ERC2: variants seen among roughly 807,000 people sequenced by gnomAD.
ERC2 encodes ELKS/RAB6-interacting/CAST family member 2, also known as ERC protein 2.
Under a neutral mutation model 114.8 loss-of-function variants are expected in ERC2, and 42 were observed. That is an observed-to-expected ratio of 0.37 (90% CI 0.29 to 0.47). The LOEUF (loss-of-function observed/expected upper bound fraction) is 0.47. ERC2 is among the 20% of genes least tolerant of loss of function. ERC2 has a pLI of 0.99. For missense variants in ERC2, 939 were observed against 1,150.7 expected (o/e 0.82, Z 2.66); for synonymous variants, 454 against 425.5 (o/e 1.07, Z -0.82).
At chr3:56,222,539 G>C (rs1296877809) in intron 3 of ERC2, among the ~76,000 whole-genome samples, 1 of 152,026 alleles carries the variant, frequency 6.6e-6, no homozygotes, top group Admixed American at 6.5e-5. Flanking sequence ...ATAAGCTTGG[G>C]TGCTCTTGCG....
At chr3:56,459,988 A>G (rs2063237823) in intron 1 of ERC2, among the ~76,000 whole-genome samples, 1 of 152,198 alleles carries the variant, frequency 6.6e-6, no homozygotes, top group South Asian at 2.1e-4. Context: ...AATGCCCAAG[A>G]GGTTAAGAGC....
At chr3:55,791,127 T>C (rs182041663) in intron 14 of ERC2, among the ~76,000 whole-genome samples, 74 of 152,346 alleles carry the variant, frequency 4.9e-4, no homozygotes, top group Admixed American at 1.1e-3. Flanking sequence ...TGACTAAATA[T>C]GGGGAAAGAG....
At chr3:55,572,887 A>C (rs1265922954) in intron 17 of ERC2, among the ~76,000 whole-genome samples, 4 of 152,336 alleles carry the variant, frequency 2.6e-5, no homozygotes, top group African/African-American at 9.6e-5. Context: ...ACTTTAATTC[A>C]GCAATCAACA....
intron 7 of ERC2, among the ~76,000 whole-genome samples, chr3:56,062,910 A>G (rs1519028): frequency 0.94 from 143,131 of 152,216 alleles, 67,519 homozygotes; most frequent in East Asian, 1. Context: ...TTTCAGTGCC[A>G]ACATCCTACC....
chr3:55,624,885 A>C (rs1314613627), intron 17 of ERC2, among the ~76,000 whole-genome samples: 1 of 152,180 alleles, frequency 6.6e-6, no homozygotes, highest in Non-Finnish European at 1.5e-5. Context: ...GCTGGTCCCT[A>C]GTTCCCTCTT....
Position 55,845,175 on chromosome 3 carries a change from T to C in ERC2, c.2564+43214A>G, listed in dbSNP as rs1279124201. Among the ~76,000 whole-genome samples, 3 of 152,058 alleles carry C rather than the reference T, an allele frequency of 2.0e-5. No homozygotes were observed. The East Asian group carries it at 5.8e-4, about 29-fold the overall frequency. ...CTAACAGGACATGGATCAGTATTGATCCAGCCCAGGGCTTGGGGACTCCTG... is the reference window on the plus strand; with the variant it reads ...CTAACAGGACATGGATCAGTATTGACCCAGCCCAGGGCTTGGGGACTCCTG... On this transcript the variant is annotated intron_variant, in intron 14 of 17. Coordinates refer to ENST00000288221, the MANE Select transcript of ERC2 (RefSeq NM_015576.3).
At chr3:56,017,925 T>C (rs1309084958) in intron 8 of ERC2, among the ~76,000 whole-genome samples, 2 of 152,168 alleles carry the variant, frequency 1.3e-5, no homozygotes, top group African/African-American at 4.8e-5. Flanking sequence ...ATGCAGGTTA[T>C]GCTGGGCACA....
intron 17 of ERC2, among the ~76,000 whole-genome samples, chr3:55,514,633 G>A (rs1363990969): frequency 6.6e-6 from 1 of 152,204 alleles, no homozygotes; most frequent in Admixed American, 6.5e-5. Context: ...CCTATAGGAT[G>A]TGAGAATGTC....
intron 2 of ERC2, among the ~76,000 whole-genome samples, chr3:56,402,462 A>G (rs2060555931): frequency 2.0e-5 from 3 of 152,052 alleles, no homozygotes; most frequent in East Asian, 1.9e-4. Context: ...TCTGGTCCTG[A>G]GTTCAAATCC....
chr3:55,775,581 T>TAAATAAATAAAA (rs1356989294), intron 14 of ERC2, among the ~76,000 whole-genome samples: 33 of 142,126 alleles, frequency 2.3e-4, no homozygotes, highest in East Asian at 1.0e-3. Flanking sequence ...AATAAATAAA[T>TAAATAAATAAAA]AAAAAAGGAA....
intron 17 of ERC2, among the ~76,000 whole-genome samples, chr3:55,607,619 T>G (rs908792034): frequency 2.0e-5 from 3 of 150,274 alleles, no homozygotes; most frequent in South Asian, 2.1e-4. Flanking sequence ...AGTGTGTTTT[T>G]TTTTTTTTTT....
At chr3:56,384,530 C>T (rs1340187790) in intron 2 of ERC2, among the ~76,000 whole-genome samples, 1 of 152,034 alleles carries the variant, frequency 6.6e-6, no homozygotes, top group Non-Finnish European at 1.5e-5. Flanking sequence ...TCCTTTTGCC[C>T]ATTTTTCCAT....
chr3:55,712,999 T>C (rs572391398), intron 15 of ERC2, among the ~76,000 whole-genome samples: 1 of 152,112 alleles, frequency 6.6e-6, no homozygotes, highest in South Asian at 2.1e-4. Flanking sequence ...AGTAATATAC[T>C]CTTAGGTTCC....
At chr3:56,466,621 C>T (rs1391418119) in intron 1 of ERC2, among the ~76,000 whole-genome samples, 2 of 152,240 alleles carry the variant, frequency 1.3e-5, no homozygotes, top group Admixed American at 1.3e-4. Context: ...ACCGAACTGA[C>T]ATTCTGCAAA....
At chr3:56,142,680 CTT>C (rs2080924119) in intron 5 of ERC2, among the ~76,000 whole-genome samples, 2 of 152,228 alleles carry the variant, frequency 1.3e-5, no homozygotes, top group African/African-American at 2.4e-5. Context: ...ATTAAACACA[CTT>C]ATTAATATTT....
At chr3:55,762,602 C>A (rs1174871287) in intron 14 of ERC2, among the ~76,000 whole-genome samples, 1 of 152,046 alleles carries the variant, frequency 6.6e-6, no homozygotes, top group African/African-American at 2.4e-5. Flanking sequence ...TCAAGCAAAC[C>A]CTTGGCCAAA....
intron 17 of ERC2, among the ~76,000 whole-genome samples, chr3:55,611,488 G>A (rs1210114355): frequency 6.6e-6 from 1 of 152,168 alleles, no homozygotes; most frequent in Non-Finnish European, 1.5e-5. Context: ...GGCTGTTTGG[G>A]GGCCTCACTG....
At chr3:56,260,302 A>T (rs149830308) in intron 3 of ERC2, among the ~76,000 whole-genome samples, 3 of 152,362 alleles carry the variant, frequency 2.0e-5, no homozygotes, top group East Asian at 1.9e-4. Context: ...TATGGGAAGC[A>T]GATGAGAATA....
At chr3:56,045,275 A>G (rs1223936972) in intron 7 of ERC2, among the ~76,000 whole-genome samples, 1 of 152,218 alleles carries the variant, frequency 6.6e-6, no homozygotes, top group African/African-American at 2.4e-5. Flanking sequence ...TCATTTTAGA[A>G]ACATCAAGAA....
Sources: allele counts gnomAD v4.1 joint callset (sites outside exome capture counted in the v4.1 genomes callset), GRCh38; gene constraint gnomAD v4.1.1; transcripts MANE v1.5; gene names NCBI Gene and HGNC (gene_info 2026-07-23, HGNC 2026-07-21).